KCNH3: variants seen among roughly 807,000 people sequenced by gnomAD.
KCNH3 encodes the protein potassium voltage-gated channel subfamily H member 3.
Under a neutral mutation model 95.6 loss-of-function variants are expected in KCNH3, and 36 were observed. The observed-to-expected ratio is 0.38, with a 90% confidence interval of 0.29 to 0.50. The LOEUF (loss-of-function observed/expected upper bound fraction) is 0.50, where lower values mean the gene tolerates loss of function less well. Among genes scored for constraint, KCNH3 ranks in the 20% least tolerant of loss-of-function variants. KCNH3 has a pLI of 0.95. For synonymous variants in KCNH3, 620 were observed against 646.3 expected, an observed-to-expected ratio of 0.96 and a Z score of 0.62; for missense variants, 1,030 against 1,484.1, an observed-to-expected ratio of 0.69 and a Z score of 5.03.
At chr12:49,552,528 C>T (rs1398283901) in intron 10 of KCNH3, among the ~76,000 whole-genome samples, 4 of 152,224 alleles carry the variant, frequency 2.6e-5, no homozygotes, top group Non-Finnish European at 4.4e-5. Flanking sequence ...GCTTTGCCTT[C>T]ATACCTACCC....
chr12:49,552,720 C>T (rs1173304975), intron 10 of KCNH3, among the ~76,000 whole-genome samples: 2 of 152,198 alleles, frequency 1.3e-5, no homozygotes, highest in African/African-American at 2.4e-5. Flanking sequence ...TCCTGAGACT[C>T]TGCCCTCGGT....
In KCNH3 at chr12:49,555,967, G is replaced by GC. The variant is rs979717985; in HGVS notation, c.2468+21dup. On this transcript the variant is annotated intron_variant, in intron 12 of 14. Coordinates refer to ENST00000257981, the MANE Select transcript of KCNH3 (RefSeq NM_012284.3). ...TGAGCCCCAGGTGAGCAGACCCTAG[G>GC]CCCCCGTGGCAGAGATGGTGGTGAT... 7.8e-7 allele frequency: 1 copy of GC among 1,288,890 alleles called. No individual in the cohort carries two copies. Among genetic ancestry groups the GC allele is most frequent in the Non-Finnish European group, 1.1e-6 (1 of 919,362 alleles). The allele number at this position is 1,288,890 out of a possible 1,614,324, so 79.8% of individuals were successfully genotyped here.
rs558718456 is a variant in KCNH3 at position 49,541,524 on chromosome 12, C to G, written c.311-106C>G. 1.5e-5 allele frequency: 20 copies of G among 1,371,816 alleles called. No individual in the cohort carries two copies. In the African/African-American group the frequency reaches 2.3e-4, roughly 16 times the overall value. The allele number at this position is 1,371,816 out of a possible 1,614,324, so 85.0% of individuals were successfully genotyped here. The stretch of plus-strand genomic sequence containing the variant: ...TGCCAGCCCTTCCCCCAGGAAACCG[C>G]TAGATCCTGCCTGTGTCTTGCCCGG... On this transcript the variant is annotated intron_variant, in intron 2 of 14. Transcript: ENST00000257981.
intron 1 of KCNH3, among the ~76,000 whole-genome samples, chr12:49,540,157 C>T (rs550162701): frequency 6.6e-6 from 1 of 152,148 alleles, no homozygotes; most frequent in Non-Finnish European, 1.5e-5. Flanking sequence ...TCACATCCCC[C>T]GTGGGGCTTC....
In KCNH3 at chr12:49,539,608, C is replaced by A. The variant is rs950659325; in HGVS notation, c.76+116C>A. Reference sequence around the variant, plus strand: ...GCCAGCCTATTCTCACCCTCTCCTCCCTACCCGCCCCTCTTGAGGCTGGGG... The same window carrying A: ...GCCAGCCTATTCTCACCCTCTCCTCACTACCCGCCCCTCTTGAGGCTGGGG... On this transcript the variant is annotated intron_variant, in intron 1 of 14. Coordinates refer to ENST00000257981, the MANE Select transcript of KCNH3 (RefSeq NM_012284.3). This position sits in a 1 kb window ranked among gnomAD's most constrained non-coding sequence, Gnocchi z 6.7. 1.2e-6 allele frequency: 1 copy of A among 816,876 alleles called. No individual in the cohort carries two copies. Among genetic ancestry groups the A allele is most frequent in the African/African-American group, 1.8e-5 (1 of 54,786 alleles). The allele number at this position is 816,876 out of a possible 1,614,324, so 50.6% of individuals were successfully genotyped here.
chr12:49,555,844 G>C lies in KCNH3; in HGVS notation c.2361G>C (p.Arg787Ser), dbSNP rs1425899311. 4 of 1,612,960 alleles carry C rather than the reference G, an allele frequency of 2.5e-6. No homozygotes were observed. The highest frequency in any genetic ancestry group is 3.3e-5 in the Admixed American group (2 of 59,954). ...TAGGTGGCAGAGGGAGGCCAGGCAG[G>C]GCAGGGGCTTTGAAGGCTGAGGCTG... ...PRLGGRGRPG[R>S]AGALKAEAGP... The change falls in exon 12 of 15, where the codon AGG (arginine) becomes AGC (serine). Residue 787 changes from arginine (R) to serine (S), a missense_variant. Transcript: ENST00000257981.
chr12:49,544,063 G>A lies in KCNH3; in HGVS notation c.972G>A (p.Lys324=), dbSNP rs143883730. Residue 324 remains lysine (K), a synonymous_variant, in exon 6 of 15, where the codon AAG becomes AAA. Transcript: ENST00000257981. ...CCTTTGACCTGCTACATGCCTTCAAGGTCAACGTGGTCAGTGTGGCTGGGC... is the reference window on the plus strand; with the variant it reads ...CCTTTGACCTGCTACATGCCTTCAAAGTCAACGTGGTCAGTGTGGCTGGGC... ...ALPFDLLHAF[K]VNVYFGAHLL... The A allele has an allele frequency of 6.2e-6, 10 of 1,610,226 alleles. No homozygotes were observed. The African/African-American group carries it at 1.3e-4, about 22-fold the overall frequency.
chr12:49,544,142 C>CCCGA, intron 6 of KCNH3, 33 bp from the exon 7 acceptor site: 2 of 1,014,522 alleles, frequency 2.0e-6, no homozygotes, highest in Non-Finnish European at 3.0e-6. Flanking sequence ...CCGCTGACCT[C>CCCGA]CCTCCCTCCC....
chr12:49,548,396 T>C (rs1423573525), intron 7 of KCNH3, among the ~76,000 whole-genome samples: 1 of 151,752 alleles, frequency 6.6e-6, no homozygotes, highest in African/African-American at 2.4e-5. Context: ...CACCTGTGTG[T>C]GAGGCTGAGT....
Position 49,544,425 on chromosome 12 carries a change from T to C in KCNH3, c.1189+43T>C, listed in dbSNP as rs781720306. ...TGCATGTGGTGGGGAGGGAGTTGTG[T>C]CAGAGGAGTGTGAGTGCCAGCGTGG... is the stretch of plus-strand genomic sequence containing the variant. On this transcript the variant is annotated intron_variant, in intron 7 of 14. Coordinates refer to ENST00000257981, the MANE Select transcript of KCNH3 (RefSeq NM_012284.3). 5 of 1,594,686 alleles carry C rather than the reference T, an allele frequency of 3.1e-6. No homozygotes were observed. The African/African-American group carries it at 6.7e-5, about 21-fold the overall frequency.
chr12:49,555,813 C>T lies in KCNH3; in HGVS notation c.2330C>T (p.Pro777Leu). Residue 777 changes from proline to leucine, a missense_variant, in exon 12 of 15, where the codon CCT becomes CTT. Pro to Leu is a moderately conservative substitution (Grantham distance 98, BLOSUM62 -3). Coordinates refer to ENST00000257981, the MANE Select transcript of KCNH3 (RefSeq NM_012284.3). ...LLSPRRTAPR[P>L]RLGGRGRPGR... ...TCCCCACGTCGAACAGCACCCCGGC[C>T]TCGTCTAGGTGGCAGAGGGAGGCCA... The T allele has an allele frequency of 6.2e-7, 1 of 1,613,554 alleles. No homozygotes were observed. Among genetic ancestry groups the T allele is most frequent in the Non-Finnish European group, 8.5e-7 (1 of 1,179,908 alleles).
rs1366208703 is a variant in KCNH3, at chr12:49,556,373, A to G, written c.2472A>G (p.Val824=). ...WNVPPDLSPR[V]VDGIEDGCGS... ...GTCCTGGTACCTGGGTTCACAGGGT[A>G]GTAGATGGCATTGAAGACGGCTGTG... is the stretch of plus-strand genomic sequence containing the variant. Residue 824 remains valine (V), a synonymous_variant, in exon 13 of 15, where the codon GTA becomes GTG. Coordinates refer to ENST00000257981, the MANE Select transcript of KCNH3 (RefSeq NM_012284.3). The G allele has an allele frequency of 6.2e-7, 1 of 1,611,064 alleles. No individual in the cohort carries two copies.
chr12:49,550,379 T>C (rs538002727), intron 10 of KCNH3, 50 bp downstream of exon 10: 2 of 1,557,060 alleles, frequency 1.3e-6, no homozygotes, highest in South Asian at 2.3e-5. Flanking sequence ...TGTGAGACCA[T>C]GGCCCTGATC....
At chr12:49,549,368 G>C in intron 8 of KCNH3, 73 bp from the exon 9 acceptor site, 2 of 1,559,440 alleles carry the variant, frequency 1.3e-6, no homozygotes, top group Non-Finnish European at 1.8e-6. Context: ...GCGGGCCGAG[G>C]ACAGATGAGC....
chr12:49,540,318 A>G (rs1937829779), intron 1 of KCNH3, among the ~76,000 whole-genome samples: 1 of 152,174 alleles, frequency 6.6e-6, no homozygotes, highest in Non-Finnish European at 1.5e-5. Flanking sequence ...CCACTCCCCA[A>G]TACATTCCTG....
intron 11 of KCNH3, 64 bp downstream of exon 11, chr12:49,554,618 G>T: frequency 7.1e-7 from 1 of 1,409,338 alleles, no homozygotes; most frequent in East Asian, 2.3e-5. Context: ...GAAGTGGGCA[G>T]AGGCTGGGGA....
At chr12:49,540,404 C>T (rs1937833515) in intron 1 of KCNH3, among the ~76,000 whole-genome samples, 1 of 152,186 alleles carries the variant, frequency 6.6e-6, no homozygotes, top group Admixed American at 6.5e-5. Context: ...TGAGCCAGGT[C>T]AGGCAGCTAG....
intron 11 of KCNH3, 35 bp from the exon 12 acceptor site, chr12:49,555,585 A>G (rs1202080583): frequency 7.2e-7 from 1 of 1,382,014 alleles, no homozygotes; most frequent in African/African-American, 1.4e-5. Context: ...AATAGTGACC[A>G]TCCATGCCGA....
intron 1 of KCNH3, 57 bp from the exon 2 acceptor site, chr12:49,540,842 G>A: frequency 7.1e-7 from 1 of 1,406,714 alleles, no homozygotes; most frequent in East Asian, 2.3e-5. Context: ...GAAAGGAGGG[G>A]TGGTAGGCCT....
Sources: gnomAD v4.1 joint callset for allele counts (sites outside exome capture counted in the v4.1 genomes callset) on GRCh38, gnomAD v4.1.1 for gene constraint, Gnocchi (gnomAD v3.1) non-coding constraint, MANE v1.5 for transcripts, NCBI Gene and HGNC (gene_info 2026-07-23, HGNC 2026-07-21) for gene names.